Variants in CA5A observed in about 807,000 individuals in gnomAD.
CA5A encodes the protein carbonic anhydrase 5A, also known as carbonic anhydrase 5A, mitochondrial.
CA5A carries 28 observed loss-of-function variants against 37.1 expected under a neutral mutation model. The ratio of observed to expected loss-of-function variants is 0.75; its 90% CI spans 0.56 to 1.03. CA5A has a LOEUF of 1.03. Ranked by LOEUF, CA5A falls within the 50% of genes least tolerant of loss-of-function variation. The pLI is 0.00. For missense variants in CA5A, 444 were observed against 399.9 expected, an observed-to-expected ratio of 1.11 and a Z score of -0.94; for synonymous variants, 171 against 158.4, an observed-to-expected ratio of 1.08 and a Z score of -0.60.
chr16:87,925,645 A>T (rs1035434846), intron 2 of CA5A: 1 of 152,214 alleles, frequency 6.6e-6, no homozygotes, highest in Non-Finnish European at 1.5e-5. Context: ...ATGCAAACAT[A>T]ATAGGCATAG....
chr16:87,910,806 A>G (rs532484060), intron 2 of CA5A, among the ~76,000 whole-genome samples: 2 of 152,036 alleles, frequency 1.3e-5, no homozygotes, highest in Admixed American at 1.3e-4. Context: ...CTGGAGTGCA[A>G]TGGCCAGATC....
intron 1 of CA5A, among the ~76,000 whole-genome samples, chr16:87,934,960 A>G (rs2144111956): frequency 6.6e-6 from 1 of 152,364 alleles, no homozygotes; most frequent in African/African-American, 2.4e-5. Flanking sequence ...AACAGGAGGA[A>G]TGAGTGTAGC....
At chr16:87,924,800 C>T (rs1476377104) in intron 2 of CA5A, among the ~76,000 whole-genome samples, 1 of 152,176 alleles carries the variant, frequency 6.6e-6, no homozygotes, top group Non-Finnish European at 1.5e-5. Flanking sequence ...CTTGTTGGTC[C>T]CGCTTGGATA....
intron 1 of CA5A, among the ~76,000 whole-genome samples, chr16:87,932,946 A>G (rs2144103840): frequency 6.6e-6 from 1 of 152,338 alleles, no homozygotes; most frequent in East Asian, 1.9e-4. Context: ...GTAGCTTGGA[A>G]TACATGGGCA....
downstream of CA5A, chr16:87,883,393 G>T (rs1383786527): frequency 1.1e-4 from 16 of 142,014 alleles, no homozygotes; most frequent in African/African-American, 4.2e-4. Context: ...ACAGTGGCAC[G>T]ATCTCGGCTC....
rs113861881 is a variant in CA5A, at chr16:87,929,060, C to T, written c.143-2115G>A. Among the ~76,000 whole-genome samples, 846 of 150,082 alleles carry T rather than the reference C, an allele frequency of 5.6e-3. 7 individuals carry two copies. The highest frequency in any genetic ancestry group is 0.02 in the African/African-American group (806 of 41,224). On this transcript the variant is annotated intron_variant, in intron 1 of 6. Transcript: ENST00000649794. Reference sequence around the variant, plus strand: ...CTGGGATTACAGGCGTGAGCCACCGCGCCCAGCCTTGGATTATTTTCTTCT... The same window carrying T: ...CTGGGATTACAGGCGTGAGCCACCGTGCCCAGCCTTGGATTATTTTCTTCT...
chr16:87,915,922 T>C (rs916771964), intron 2 of CA5A, among the ~76,000 whole-genome samples: 27 of 151,732 alleles, frequency 1.8e-4, no homozygotes, highest in Non-Finnish European at 3.4e-4. Context: ...ACTGGGTAAT[T>C]TACAAAGAAA....
chr16:87,908,989 AT>A (rs60201296), intron 2 of CA5A, among the ~76,000 whole-genome samples: 32,525 of 139,178 alleles, frequency 0.23, 3,708 homozygotes, highest in African/African-American at 0.31. Flanking sequence ...ACACCCGGCT[AT>A]TTTTTTTTTT....
intron 5 of CA5A, among the ~76,000 whole-genome samples, chr16:87,898,395 T>G (rs2143932346): frequency 6.6e-6 from 1 of 152,340 alleles, no homozygotes; most frequent in East Asian, 1.9e-4. Context: ...TGCCCTGCAC[T>G]GCCCACCAAT....
chr16:87,899,397 G>C (rs1180572826), intron 5 of CA5A, among the ~76,000 whole-genome samples: 1 of 140,950 alleles, frequency 7.1e-6, no homozygotes, highest in East Asian at 2.2e-4. Context: ...CCACCGCCCA[G>C]ATTCAAGCAA....
chr16:87,920,951 G>T (rs181311146), intron 2 of CA5A, among the ~76,000 whole-genome samples: 1 of 151,898 alleles, frequency 6.6e-6, no homozygotes. Flanking sequence ...GCACCATCAC[G>T]CCTGGCTACT....
chr16:87,907,294 G>A (rs2055977211), intron 2 of CA5A, among the ~76,000 whole-genome samples: 1 of 152,142 alleles, frequency 6.6e-6, no homozygotes, highest in Non-Finnish European at 1.5e-5. Context: ...ACCACAAAAT[G>A]GGAGCACGGT....
In CA5A at chr16:87,932,840, C is replaced by G. The variant is rs558840627; in HGVS notation, c.142+3469G>C. 3.9e-5 allele frequency among the ~76,000 whole-genome samples: 6 copies of G among 152,188 alleles called. 1 individual carries two copies. The highest frequency in any genetic ancestry group is 3.9e-4 in the Admixed American group (6 of 15,274). ...TCTCAAATTCCTTCCCCCTTGACCT[C>G]CATGGGAGGAGCTATCCCCTCCCCC... On this transcript the variant is annotated intron_variant, in intron 1 of 6. Transcript: ENST00000649794.
At chr16:87,915,366 G>A (rs976832256) in intron 2 of CA5A, among the ~76,000 whole-genome samples, 3 of 151,944 alleles carry the variant, frequency 2.0e-5, no homozygotes, top group East Asian at 1.9e-4. Context: ...ATTGTAGAAC[G>A]ATGTTTACAA....
downstream of CA5A, chr16:87,883,517 A>C (rs1464647529): frequency 6.7e-6 from 1 of 150,120 alleles, no homozygotes; most frequent in Non-Finnish European, 1.5e-5. Context: ...TTTTTAGTAG[A>C]GACGGGGTTT....
intron 2 of CA5A, among the ~76,000 whole-genome samples, chr16:87,912,387 C>T (rs1378022247): frequency 2.0e-5 from 3 of 152,188 alleles, no homozygotes; most frequent in African/African-American, 7.2e-5. Context: ...ATCCGCAGTC[C>T]CCTGAAGCAG....
At chr16:87,924,539 C>T (rs551116145) in intron 2 of CA5A, among the ~76,000 whole-genome samples, 9 of 152,366 alleles carry the variant, frequency 5.9e-5, no homozygotes, top group Admixed American at 2.6e-4. Context: ...TACGGCTCAG[C>T]GCACTCATCC....
downstream of CA5A, chr16:87,883,360 C>T (rs1261032938): frequency 7.0e-6 from 1 of 143,790 alleles, no homozygotes; most frequent in East Asian, 2.0e-4. Flanking sequence ...GATGGAGTCT[C>T]ACTCTGTTGC....
chr16:87,907,990 G>A (rs2055990746), intron 2 of CA5A, among the ~76,000 whole-genome samples: 3 of 152,218 alleles, frequency 2.0e-5, no homozygotes, highest in Admixed American at 1.3e-4. Context: ...GTATCAACAG[G>A]ACTTAGTGCA....
Sources: allele counts gnomAD v4.1 joint callset (sites outside exome capture counted in the v4.1 genomes callset), GRCh38; gene constraint gnomAD v4.1.1; transcripts MANE v1.5; gene names NCBI Gene and HGNC (gene_info 2026-07-23, HGNC 2026-07-21).